The following PCDHGA9 variants were observed in gnomAD, a reference collection of about 807,000 sequenced individuals.
PCDHGA9 encodes the protein protocadherin gamma subfamily A, 9, also known as protocadherin gamma-A9.
In PCDHGA9, 37 loss-of-function variants were observed where a neutral mutation model predicts 62.5. That is an observed-to-expected ratio of 0.59 (90% CI 0.46 to 0.78). The LOEUF (loss-of-function observed/expected upper bound fraction) is 0.78, where lower values mean the gene tolerates loss of function less well. PCDHGA9 is among the 30% of genes least tolerant of loss of function. The pLI is 0.00. For missense variants in PCDHGA9, 1,138 were observed against 1,166.2 expected (o/e 0.98, Z 0.35); for synonymous variants, 459 against 484.6 (o/e 0.95, Z 0.69).
chr5:141,466,977 C>T (rs2099133275), intron 1 of PCDHGA9, among the ~76,000 whole-genome samples: 1 of 151,786 alleles, frequency 6.6e-6, no homozygotes. Flanking sequence ...CACAGCTCAT[C>T]ATTTACCTTT....
chr5:141,436,121 C>T (rs2097796819), intron 1 of PCDHGA9, among the ~76,000 whole-genome samples: 1 of 152,154 alleles, frequency 6.6e-6, no homozygotes, highest in Admixed American at 6.5e-5. Context: ...AAACCTCTCT[C>T]CTCCATCATC....
chr5:141,510,221 C>T lies in PCDHGA9; in HGVS notation c.2573-726C>T, dbSNP rs891359580. On this transcript the variant is annotated intron_variant, in intron 3 of 3. Transcript: ENST00000573521. The stretch of plus-strand genomic sequence containing the variant: ...CCAGGAGGCAGAGGTTGCAGTGAGC[C>T]GGGATCGCGCCACTGCACTCCAGGC... Among the ~76,000 whole-genome samples, 12 of 150,616 alleles carry T rather than the reference C, an allele frequency of 8.0e-5. No homozygotes were observed. In the East Asian group the frequency reaches 1.2e-3, roughly 15 times the overall value.
At chr5:141,416,119 T>G (rs930613185) in intron 1 of PCDHGA9, 1 of 155,364 alleles carries the variant, frequency 6.4e-6, no homozygotes, top group Admixed American at 6.5e-5. Flanking sequence ...AACTACATTT[T>G]ATATATTTTT....
In PCDHGA9 at chr5:141,477,116, G is replaced by A. The variant is rs771557201; in HGVS notation, c.2425-17691G>A. ...AGACAAGGGCGCCAATCCCGAAGGA[G>A]CACATTGCAAAGTGTTGGTGGAGGT... On this transcript the variant is annotated intron_variant, in intron 1 of 3. Transcript: ENST00000573521. This position sits in a 1 kb window ranked among gnomAD's most constrained non-coding sequence, Gnocchi z 4.9. 1 of 1,614,252 alleles carries A rather than the reference G, an allele frequency of 6.2e-7. No homozygotes were observed. The highest frequency in any genetic ancestry group is 8.5e-7 in the Non-Finnish European group (1 of 1,180,052).
Position 141,404,468 on chromosome 5 carries a change from T to G in PCDHGA9, c.1516T>G (p.Ser506Ala). ...AGGGTCTCCTCTCTCCACCTATGTC[T>G]CTATTAACTCAGACACTGGTGTGCT... ...IQGSPLSTYV[S>A]INSDTGVLYA... Residue 506 changes from serine (S) to alanine (A), a missense_variant, in exon 1 of 4, where the codon TCT becomes GCT. By Grantham distance (99) the Ser-to-Ala change is moderately conservative (BLOSUM62 1). Transcript: ENST00000573521. 2 of 1,613,514 alleles carry G rather than the reference T, an allele frequency of 1.2e-6. No homozygotes were observed. Among genetic ancestry groups the G allele is most frequent in the Non-Finnish European group, 8.5e-7 (1 of 1,179,528 alleles).
intron 1 of PCDHGA9, 79 bp from the exon 2 acceptor site, chr5:141,494,728 C>T (rs2099756337): frequency 1.2e-6 from 2 of 1,609,984 alleles, no homozygotes; most frequent in Admixed American, 3.3e-5. Context: ...TCCTTCTCTC[C>T]CGGCCCATCC....
At chr5:141,408,450 A>C in intron 1 of PCDHGA9, 1 of 1,613,944 alleles carries the variant, frequency 6.2e-7, no homozygotes, top group Non-Finnish European at 8.5e-7. Flanking sequence ...GAGAGCGGGG[A>C]CTTACTTGTG....
At chr5:141,409,235 C>A (rs1471024804) in intron 1 of PCDHGA9, 1 of 1,613,832 alleles carries the variant, frequency 6.2e-7, no homozygotes, top group East Asian at 2.2e-5. Context: ...CGACAACAGC[C>A]CAGAAATAAT....
chr5:141,450,386 A>T (rs1208546397), intron 1 of PCDHGA9, among the ~76,000 whole-genome samples: 2 of 152,192 alleles, frequency 1.3e-5, no homozygotes, highest in Non-Finnish European at 2.9e-5. Flanking sequence ...TGAAACTGAC[A>T]TTTGTAAAGA....
At position 141,494,704 on chromosome 5, in the gene PCDHGA9, T is replaced by C. The variant is rs2099756232; in HGVS notation, c.2425-103T>C. Reference sequence around the variant, plus strand: ...CCCCCTCTTAGTCCGTTTTCTTCTCTGTGCCCACTCCCCTCCTTCTCTCCC... The same window carrying C: ...CCCCCTCTTAGTCCGTTTTCTTCTCCGTGCCCACTCCCCTCCTTCTCTCCC... On this transcript the variant is annotated intron_variant, in intron 1 of 3. Transcript: ENST00000573521. The C allele has an allele frequency of 3.1e-6, 5 of 1,597,570 alleles. No individual in the cohort carries two copies. The Admixed American group carries it at 8.5e-5, about 27-fold the overall frequency.
intron 1 of PCDHGA9, chr5:141,421,770 G>A: frequency 6.2e-7 from 1 of 1,613,856 alleles, no homozygotes; most frequent in Non-Finnish European, 8.5e-7. Context: ...ACTTTTCCTT[G>A]CAACTGCGGG....
chr5:141,415,959 C>T, intron 1 of PCDHGA9: 3 of 443,810 alleles, frequency 6.8e-6, no homozygotes, highest in Non-Finnish European at 1.1e-5. Context: ...CATATTGAAA[C>T]TCCAGCCCCT....
Position 141,487,007 on chromosome 5 carries a change from G to C in PCDHGA9, c.2425-7800G>C, listed in dbSNP as rs563548715. On this transcript the variant is annotated intron_variant, in intron 1 of 3. Transcript: ENST00000573521. This position sits in a 1 kb window ranked among gnomAD's most constrained non-coding sequence, Gnocchi z 5.0. ...TGCTTGGGTTTCCTATCAGCTCCTG[G>C]AGGCCCCAGATCCCAGCCTGTTTGC... The C allele has an allele frequency of 6.2e-7, 1 of 1,614,206 alleles. No individual in the cohort carries two copies. Among genetic ancestry groups the C allele is most frequent in the Non-Finnish European group, 8.5e-7 (1 of 1,180,042 alleles).
Position 141,404,063 on chromosome 5 carries a change from G to A in PCDHGA9, c.1111G>A (p.Ala371Thr). 6.2e-7 allele frequency: 1 copy of A among 1,613,798 alleles called. No homozygotes were observed. Among genetic ancestry groups the A allele is most frequent in the Non-Finnish European group, 8.5e-7 (1 of 1,179,774 alleles). The change falls in exon 1 of 4, where the codon GCT becomes ACT. Residue 371 changes from alanine to threonine, a missense_variant. Transcript: ENST00000573521. ...PQGTVILLFN[A>T]HDRDSGKNGQ... ...GGGAACAGTAATTCTTCTTTTCAAT[G>A]CTCATGACCGAGACTCCGGGAAGAA... is the stretch of plus-strand genomic sequence containing the variant.
At chr5:141,421,436 G>C (rs373015809) in intron 1 of PCDHGA9, 6 of 1,613,994 alleles carry the variant, frequency 3.7e-6, no homozygotes, top group African/African-American at 2.7e-5. Context: ...ATCGTCTCCA[G>C]AGGGAAGACA....
chr5:141,509,081 A>C (rs1279221589), intron 3 of PCDHGA9, among the ~76,000 whole-genome samples: 2 of 152,160 alleles, frequency 1.3e-5, no homozygotes, highest in Non-Finnish European at 2.9e-5. Flanking sequence ...GATTTGCGAC[A>C]TGAAATGGGG....
At position 141,477,843 on chromosome 5, in the gene PCDHGA9, C is replaced by T; in HGVS notation, c.2425-16964C>T. The T allele has an allele frequency of 6.2e-7, 1 of 1,613,408 alleles. No homozygotes were observed. Among genetic ancestry groups the T allele is most frequent in the Non-Finnish European group, 8.5e-7 (1 of 1,179,796 alleles). On this transcript the variant is annotated intron_variant, in intron 1 of 3. Coordinates refer to ENST00000573521, the MANE Select transcript of PCDHGA9 (RefSeq NM_018921.3). The surrounding 1 kb of genome is among the most constrained non-coding windows in gnomAD (Gnocchi z 4.9). Reference sequence around the variant, plus strand: ...CTATATCCTCGGCCAGGTGGGAGCTCGGTGGAGATGCTGCCTCGAGGTACC... The same window carrying T: ...CTATATCCTCGGCCAGGTGGGAGCTTGGTGGAGATGCTGCCTCGAGGTACC...
At chr5:141,473,205 A>G (rs370808895) in intron 1 of PCDHGA9, among the ~76,000 whole-genome samples, 1 of 152,036 alleles carries the variant, frequency 6.6e-6, no homozygotes, top group African/African-American at 2.4e-5. Flanking sequence ...CTTCTAAAAA[A>G]TGCTTACTTC....
rs1290682140 is a variant in PCDHGA9 at position 141,431,692 on chromosome 5, G to A, written c.2424+26316G>A. 1 of 1,614,132 alleles carries A rather than the reference G, an allele frequency of 6.2e-7. No homozygotes were observed. The highest frequency in any genetic ancestry group is 2.2e-5 in the East Asian group (1 of 44,888). On this transcript the variant is annotated intron_variant, in intron 1 of 3. Transcript: ENST00000573521. The surrounding 1 kb of genome is among the most constrained non-coding windows in gnomAD (Gnocchi z 4.8). The stretch of plus-strand genomic sequence containing the variant: ...CAATAGGGGAGTTGGACCACGAGGA[G>A]TCAGGATTCTACCAGATGGAAGTGC...
Sources: allele counts gnomAD v4.1 joint callset (sites outside exome capture counted in the v4.1 genomes callset), GRCh38; gene constraint gnomAD v4.1.1; non-coding constraint Gnocchi (gnomAD v3.1); transcripts MANE v1.5; gene names NCBI Gene and HGNC (gene_info 2026-07-23, HGNC 2026-07-21).